HERC1: variants seen among roughly 807,000 people sequenced by gnomAD.
HERC1 encodes the protein probable E3 ubiquitin-protein ligase HERC1.
Under a neutral mutation model 554.3 loss-of-function variants are expected in HERC1, and 160 were observed. The ratio of observed to expected loss-of-function variants is 0.29; its 90% confidence interval spans 0.25 to 0.33. HERC1 has a LOEUF of 0.33. Among genes scored for constraint, HERC1 ranks in the 10% least tolerant of loss-of-function variants. The pLI is 1.00. For synonymous variants in HERC1, 2,175 were observed against 2,131.7 expected (o/e 1.02, Z -0.56); for missense variants, 4,919 against 5,918.5 (o/e 0.83, Z 5.54).
At chr15:63,783,071 G>A (rs2076333009) in intron 1 of HERC1, among the ~76,000 whole-genome samples, 1 of 152,212 alleles carries the variant, frequency 6.6e-6, no homozygotes, top group Admixed American at 6.5e-5. Context: ...TTACTGAAAT[G>A]ACAACAAAGG....
intron 32 of HERC1, among the ~76,000 whole-genome samples, chr15:63,690,166 C>CA (rs373716359): frequency 0.28 from 21,867 of 77,300 alleles, 2,329 homozygotes; most frequent in Middle Eastern, 0.4. Context: ...GACTCCATCT[C>CA]AAAAAAAAAA....
chr15:63,756,907 G>A lies in HERC1; in HGVS notation c.1222-159C>T, dbSNP rs2075434766. ...AATATACAGAAATCTAAGAGAACAC[G>A]AATGGCCTTTTCATGCTCACAACTT... On this transcript the variant is annotated intron_variant, in intron 4 of 77. Transcript: ENST00000443617. The surrounding 1 kb of genome is among the most constrained non-coding windows in gnomAD (Gnocchi z 5.0). Among the ~76,000 whole-genome samples, 3 of 152,252 alleles carry A rather than the reference G, an allele frequency of 2.0e-5. No homozygotes were observed. Among genetic ancestry groups the A allele is most frequent in the East Asian group, 3.9e-4 (2 of 5,190 alleles).
chr15:63,789,055 T>C (rs949310682), intron 1 of HERC1, among the ~76,000 whole-genome samples: 1 of 146,246 alleles, frequency 6.8e-6, no homozygotes, highest in Non-Finnish European at 1.5e-5. Context: ...ATAAAAAATC[T>C]ACTAATAAAG....
At position 63,692,276 on chromosome 15, in the gene HERC1, T is replaced by C. The variant is rs1463841530; in HGVS notation, c.5830+135A>G. ...AAATTAGAGTTTTCTTTTGATCAAATAGGTACGCAGAAAATAAGAAAGAAA... is the reference window on the plus strand; with the variant it reads ...AAATTAGAGTTTTCTTTTGATCAAACAGGTACGCAGAAAATAAGAAAGAAA... On this transcript the variant is annotated intron_variant, in intron 31 of 77. Coordinates refer to ENST00000443617, the MANE Select transcript of HERC1 (RefSeq NM_003922.4). This position sits in a 1 kb window ranked among gnomAD's most constrained non-coding sequence, Gnocchi z 4.7. 5 of 601,782 alleles carry C rather than the reference T, an allele frequency of 8.3e-6. No homozygotes were observed. Among genetic ancestry groups the C allele is most frequent in the African/African-American group, 3.8e-5 (2 of 52,918 alleles). 37.3% of individuals were successfully genotyped at this position (601,782 alleles called of 1,614,324 possible).
chr15:63,615,754 A>T lies in HERC1; in HGVS notation c.14094+14T>A. On this transcript the variant is annotated intron_variant, in intron 76 of 77. Coordinates refer to ENST00000443617, the MANE Select transcript of HERC1 (RefSeq NM_003922.4). ...CAAGCATTCATGTGTACCTCCCGAG[A>T]TGTTTCATCTCACCTGTCTGTCCAT... 5 of 1,568,454 alleles carry T rather than the reference A, an allele frequency of 3.2e-6. No individual in the cohort carries two copies. Among genetic ancestry groups the T allele is most frequent in the Non-Finnish European group, 4.3e-6 (5 of 1,161,896 alleles).
intron 17 of HERC1, among the ~76,000 whole-genome samples, chr15:63,726,711 A>G (rs952369192): frequency 1.3e-5 from 2 of 152,176 alleles, no homozygotes; most frequent in African/African-American, 4.8e-5. Context: ...CAAACAAAAC[A>G]CCAGGGCCAG....
intron 77 of HERC1, among the ~76,000 whole-genome samples, chr15:63,611,870 T>C (rs1466245597): frequency 1.3e-5 from 2 of 152,196 alleles, no homozygotes; most frequent in African/African-American, 4.8e-5. Context: ...TCATAGTTTG[T>C]TTTCCCCAAC....
chr15:63,790,373 T>C (rs2076605483), intron 1 of HERC1, among the ~76,000 whole-genome samples: 1 of 152,024 alleles, frequency 6.6e-6, no homozygotes, highest in Non-Finnish European at 1.5e-5. Context: ...GGTCAGGAGA[T>C]CGAGACCAAC....
At chr15:63,691,729 A>C (rs994387535) in intron 31 of HERC1, among the ~76,000 whole-genome samples, 1 of 152,338 alleles carries the variant, frequency 6.6e-6, no homozygotes, top group African/African-American at 2.4e-5. Context: ...TGTGCCGTAG[A>C]GGATTACATT....
intron 76 of HERC1, among the ~76,000 whole-genome samples, chr15:63,614,851 T>C (rs1368472872): frequency 6.6e-6 from 1 of 152,216 alleles, no homozygotes; most frequent in Non-Finnish European, 1.5e-5. Context: ...TCATTCAATT[T>C]CTTGCAAGTT....
chr15:63,757,663 T>C (rs977290634), intron 4 of HERC1, among the ~76,000 whole-genome samples: 3 of 152,178 alleles, frequency 2.0e-5, no homozygotes, highest in African/African-American at 7.2e-5. Flanking sequence ...ATTTAGTTAT[T>C]TGAAAGTTGG....
chr15:63,672,464 G>C lies in HERC1; in HGVS notation c.8045+32C>G, dbSNP rs1272256044. On this transcript the variant is annotated intron_variant, in intron 39 of 77. Transcript: ENST00000443617. ...TGTGCCTTCAGAAACACAGGCATCA[G>C]TATGGCAGACATTAAAGGTCAACTT... 18 of 1,501,934 alleles carry C rather than the reference G, an allele frequency of 1.2e-5. No individual in the cohort carries two copies. In the East Asian group the frequency reaches 4.3e-4, roughly 36 times the overall value. The allele number at this position is 1,501,934 out of a possible 1,614,324, so 93.0% of individuals were successfully genotyped here.
intron 39 of HERC1, among the ~76,000 whole-genome samples, chr15:63,672,061 C>T (rs976431530): frequency 1.8e-4 from 27 of 151,630 alleles, no homozygotes; most frequent in African/African-American, 5.8e-4. Flanking sequence ...CAGACTTGCT[C>T]GAAATTTTTT....
chr15:63,663,663 G>A (rs1015316179), intron 43 of HERC1, among the ~76,000 whole-genome samples: 2 of 152,024 alleles, frequency 1.3e-5, no homozygotes, highest in African/African-American at 2.4e-5. Context: ...CTTGCTATGT[G>A]GCCCAGGCTG....
chr15:63,702,552 T>C (rs2072774745), intron 25 of HERC1, among the ~76,000 whole-genome samples: 2 of 152,216 alleles, frequency 1.3e-5, no homozygotes, highest in African/African-American at 4.8e-5. Context: ...CAAAAACGTA[T>C]TGTCTTTCTG....
intron 1 of HERC1, among the ~76,000 whole-genome samples, chr15:63,791,150 G>T (rs1448495533): frequency 6.6e-6 from 1 of 152,166 alleles, no homozygotes; most frequent in East Asian, 1.9e-4. Context: ...ATACCTGAGA[G>T]ATGACATATC....
intron 12 of HERC1, among the ~76,000 whole-genome samples, chr15:63,743,741 T>G (rs896865042): frequency 6.6e-6 from 1 of 152,246 alleles, no homozygotes; most frequent in African/African-American, 2.4e-5. Flanking sequence ...TTGAATTTCT[T>G]TGACTTTCCT....
intron 34 of HERC1, among the ~76,000 whole-genome samples, chr15:63,684,644 T>A (rs2071647457): frequency 1.3e-5 from 2 of 150,732 alleles, no homozygotes; most frequent in South Asian, 4.2e-4. Flanking sequence ...TATGGAGGAG[T>A]CGGGAGGGCA....
chr15:63,776,037 CAAA>C (rs34323931), intron 1 of HERC1, among the ~76,000 whole-genome samples: 2 of 131,130 alleles, frequency 1.5e-5, no homozygotes, highest in Non-Finnish European at 1.6e-5. Context: ...GACTCCGTCT[CAAA>C]AAAAAAAAAA....
Sources: gnomAD v4.1 joint callset for allele counts (sites outside exome capture counted in the v4.1 genomes callset) on GRCh38, gnomAD v4.1.1 for gene constraint, Gnocchi (gnomAD v3.1) non-coding constraint, MANE v1.5 for transcripts, NCBI Gene and HGNC (gene_info 2026-07-23, HGNC 2026-07-21) for gene names.